COL24A1: variants seen among roughly 807,000 people sequenced by gnomAD.
The protein encoded by COL24A1 is collagen alpha-1(XXIV) chain.
In COL24A1, 224 loss-of-function variants were observed where a neutral mutation model predicts 253.9. The ratio of observed to expected loss-of-function variants is 0.88; its 90% confidence interval spans 0.79 to 0.99. The LOEUF is 0.99. Among genes scored for constraint, COL24A1 ranks in the 50% least tolerant of loss-of-function variants. The probability of loss-of-function intolerance (pLI) is 0.00; values close to 1 mark genes in which losing one functional copy is unlikely to be tolerated. For synonymous variants in COL24A1, 685 were observed against 673.7 expected (o/e 1.02, Z -0.26); for missense variants, 2,131 against 2,068.5 (o/e 1.03, Z -0.59).
chr1:85,845,226 G>A (rs1677038160), intron 39 of COL24A1, among the ~76,000 whole-genome samples: 1 of 151,786 alleles, frequency 6.6e-6, no homozygotes, highest in African/African-American at 2.4e-5. Context: ...GGAAATCTAT[G>A]AAGGAATTTT....
intron 47 of COL24A1, among the ~76,000 whole-genome samples, chr1:85,786,883 A>G (rs1391364877): frequency 2.6e-5 from 4 of 152,218 alleles, no homozygotes; most frequent in African/African-American, 9.6e-5. Flanking sequence ...AATTTGCTAA[A>G]AATTGTTTAA....
chr1:85,881,492 G>A (rs1490325589), intron 32 of COL24A1, among the ~76,000 whole-genome samples: 1 of 151,966 alleles, frequency 6.6e-6, no homozygotes, highest in East Asian at 1.9e-4. Flanking sequence ...AGGTGTGGTG[G>A]TACGCACCTG....
intron 32 of COL24A1, among the ~76,000 whole-genome samples, chr1:85,887,830 T>C (rs755857559): frequency 1.3e-5 from 2 of 152,160 alleles, no homozygotes. Context: ...GTTTTGTAAA[T>C]GTTGTAGTTC....
chr1:85,829,173 T>G (rs1288753539), intron 43 of COL24A1, among the ~76,000 whole-genome samples: 1 of 149,916 alleles, frequency 6.7e-6, no homozygotes, highest in Admixed American at 6.7e-5. Context: ...TATTTCTCCT[T>G]CACTTATGAA....
intron 55 of COL24A1, among the ~76,000 whole-genome samples, chr1:85,747,101 CTTTTTTT>C (rs34758363): frequency 9.9e-5 from 11 of 111,278 alleles, no homozygotes; most frequent in Non-Finnish European, 1.4e-4. Flanking sequence ...TGAATTATAA[CTTTTTTT>C]TTTTTTTTTT....
intron 47 of COL24A1, among the ~76,000 whole-genome samples, chr1:85,809,202 C>T (rs556793286): frequency 2.6e-5 from 4 of 152,216 alleles, no homozygotes; most frequent in Non-Finnish European, 4.4e-5. Flanking sequence ...TAATCTTGGC[C>T]ACATGACTCC....
intron 8 of COL24A1, among the ~76,000 whole-genome samples, chr1:86,063,382 T>TG (rs773006579): frequency 0.15 from 22,120 of 150,776 alleles, 1,751 homozygotes; most frequent in African/African-American, 0.2. Flanking sequence ...TGTGTGTGTG[T>TG]TTGTATGTGT....
Position 86,084,917 on chromosome 1 carries a change from A to G in COL24A1, c.1707+4257T>C, listed in dbSNP as rs531855142. ...ACAACCCCCAAGCAGCGGCATTTGT[A>G]TTAGACTCAGTACTGCACTTGAATT... is the stretch of plus-strand genomic sequence containing the variant. On this transcript the variant is annotated intron_variant, in intron 7 of 59. Transcript: ENST00000370571. Among the ~76,000 whole-genome samples the G allele has an allele frequency of 3.2e-4, 48 of 152,234 alleles. No individual in the cohort carries two copies. In the South Asian group the frequency reaches 9.8e-3, roughly 31 times the overall value.
At chr1:86,127,833 A>G (rs1382912483) in intron 2 of COL24A1, among the ~76,000 whole-genome samples, 1 of 152,100 alleles carries the variant, frequency 6.6e-6, no homozygotes, top group Non-Finnish European at 1.5e-5. Flanking sequence ...ACTGTGTACA[A>G]CAATGAAATA....
At chr1:85,741,200 C>G (rs1327564564) in intron 57 of COL24A1, among the ~76,000 whole-genome samples, 1 of 151,524 alleles carries the variant, frequency 6.6e-6, no homozygotes, top group East Asian at 1.9e-4. Context: ...GATTTAAATT[C>G]TACTTCTTTT....
intron 24 of COL24A1, among the ~76,000 whole-genome samples, chr1:85,914,638 A>T (rs1181345722): frequency 3.3e-5 from 5 of 151,758 alleles, no homozygotes; most frequent in African/African-American, 1.2e-4. Flanking sequence ...TGATCTGCCC[A>T]CCTTGGCCTC....
intron 47 of COL24A1, among the ~76,000 whole-genome samples, chr1:85,805,138 G>A (rs1671832660): frequency 6.6e-6 from 1 of 152,180 alleles, no homozygotes; most frequent in African/African-American, 2.4e-5. Flanking sequence ...CACTGCACCT[G>A]GGTGGCAAAT....
chr1:86,111,782 C>A (rs1705640812), intron 5 of COL24A1, among the ~76,000 whole-genome samples: 1 of 152,150 alleles, frequency 6.6e-6, no homozygotes, highest in Non-Finnish European at 1.5e-5. Context: ...CACGAACCCA[C>A]CGGGAGGAAT....
intron 7 of COL24A1, among the ~76,000 whole-genome samples, chr1:86,067,970 A>G (rs1178561352): frequency 6.6e-6 from 1 of 152,268 alleles, no homozygotes; most frequent in East Asian, 1.9e-4. Context: ...AAGGAATGAC[A>G]ATAGGAAAAT....
chr1:85,764,069 A>G (rs1302005575), intron 53 of COL24A1, among the ~76,000 whole-genome samples: 1 of 152,018 alleles, frequency 6.6e-6, no homozygotes. Flanking sequence ...TCCCTTATGT[A>G]AATGCAATCT....
At chr1:86,059,967 C>T (rs552258620) in intron 8 of COL24A1, among the ~76,000 whole-genome samples, 81 of 152,200 alleles carry the variant, frequency 5.3e-4, no homozygotes, top group African/African-American at 1.8e-3. Flanking sequence ...TCCAGAATTG[C>T]GAGAAATTTC....
chr1:85,764,847 A>T (rs1005186353), intron 53 of COL24A1, among the ~76,000 whole-genome samples: 4 of 152,094 alleles, frequency 2.6e-5, no homozygotes, highest in Non-Finnish European at 2.9e-5. Flanking sequence ...TCCTGGGCTC[A>T]AGCAATTCTT....
intron 14 of COL24A1, among the ~76,000 whole-genome samples, chr1:86,028,821 G>C (rs1698286714): frequency 6.6e-6 from 1 of 152,172 alleles, no homozygotes; most frequent in Admixed American, 6.5e-5. Flanking sequence ...AGTAGAGATA[G>C]AGTGTTTCAG....
intron 37 of COL24A1, among the ~76,000 whole-genome samples, chr1:85,864,584 A>G (rs1679570676): frequency 6.6e-6 from 1 of 152,178 alleles, no homozygotes. Flanking sequence ...TAAAAAAAGA[A>G]ACAAGAAACA....
Sources: allele counts gnomAD v4.1 joint callset (sites outside exome capture counted in the v4.1 genomes callset), GRCh38; gene constraint gnomAD v4.1.1; transcripts MANE v1.5; gene names NCBI Gene and HGNC (gene_info 2026-07-23, HGNC 2026-07-21).